Variants in PCDHA7 observed in about 807,000 individuals in gnomAD.
PCDHA7 encodes the protein protocadherin alpha 7, also known as protocadherin alpha-7.
A neutral mutation model predicts 57.2 loss-of-function variants in PCDHA7; 37 were observed. The observed-to-expected ratio is 0.65, with a 90% CI of 0.50 to 0.85. PCDHA7 has a LOEUF of 0.85. Ranked by LOEUF, PCDHA7 falls within the 40% of genes least tolerant of loss-of-function variation. The pLI is 0.00. For missense variants in PCDHA7, 1,188 were observed against 1,241.8 expected (o/e 0.96, Z 0.65); for synonymous variants, 553 against 558.8 (o/e 0.99, Z 0.15).
intron 1 of PCDHA7, among the ~76,000 whole-genome samples, chr5:140,880,576 A>G (rs1274181037): frequency 6.6e-6 from 1 of 152,216 alleles, no homozygotes; most frequent in African/African-American, 2.4e-5. Flanking sequence ...ATTTGAGAAG[A>G]GAGGAAAGAG....
chr5:140,923,012 G>A (rs2081117924), intron 1 of PCDHA7, among the ~76,000 whole-genome samples: 1 of 152,206 alleles, frequency 6.6e-6, no homozygotes, highest in Non-Finnish European at 1.5e-5. Flanking sequence ...TTGTTGGACT[G>A]CAGTTTCGGA....
intron 3 of PCDHA7, among the ~76,000 whole-genome samples, chr5:140,990,780 GACGATGA>G (rs1554251732): frequency 6.6e-6 from 1 of 152,192 alleles, no homozygotes; most frequent in Non-Finnish European, 1.5e-5. Flanking sequence ...CTCTGTGTTG[GACGATGA>G]ACCATGGAAT....
chr5:140,979,175 AAT>A, intron 2 of PCDHA7, 168 bp downstream of exon 2: 3 of 951,630 alleles, frequency 3.2e-6, no homozygotes, highest in Non-Finnish European at 3.8e-6. Flanking sequence ...AAAGATCGCA[AAT>A]GGTCAGTGCC....
intron 1 of PCDHA7, among the ~76,000 whole-genome samples, chr5:140,910,535 T>G (rs2153515129): frequency 6.6e-6 from 1 of 152,274 alleles, no homozygotes; most frequent in African/African-American, 2.4e-5. Flanking sequence ...CCCTCACAAA[T>G]CTATTTTGCA....
At chr5:140,872,181 G>T (rs2053527538) in intron 1 of PCDHA7, among the ~76,000 whole-genome samples, 1 of 151,138 alleles carries the variant, frequency 6.6e-6, no homozygotes, top group Admixed American at 6.6e-5. Flanking sequence ...TTTTTTTACA[G>T]TGTTAAACGT....
chr5:140,927,862 G>T, intron 1 of PCDHA7: 1 of 1,614,200 alleles, frequency 6.2e-7, no homozygotes. Context: ...AGCTAGCACC[G>T]CTAAACTGCT....
At position 140,835,534 on chromosome 5, in the gene PCDHA7, AG is replaced by A; in HGVS notation, c.1153del (p.Val385LeufsTer5). The A allele has an allele frequency of 6.2e-7, 1 of 1,613,954 alleles. No individual in the cohort carries two copies. Among genetic ancestry groups the A allele is most frequent in the Non-Finnish European group, 8.5e-7 (1 of 1,179,870 alleles). ...VFDRDFGVNG[Q>X]VTCSLTPRVP... ...GACCGAGATTTTGGAGTCAACGGAC[AG>A]GTTACCTGCTCCCTGACGCCCCGCG... is the stretch of plus-strand genomic sequence containing the variant. On this transcript the variant is annotated frameshift_variant, in exon 1 of 4. Transcript: ENST00000525929. LOFTEE classifies it high-confidence loss of function.
rs149166530 is a variant in PCDHA7, at chr5:140,990,443, A to G, written c.2503+7880A>G. Among the ~76,000 whole-genome samples the G allele has an allele frequency of 8.3e-4, 127 of 152,344 alleles. 2 individuals carry two copies. The East Asian group carries it at 0.024, about 29-fold the overall frequency. On this transcript the variant is annotated intron_variant, in intron 3 of 3. Transcript: ENST00000525929. ...CCAGCATTGACCCAATCTTGTGTCC[A>G]GAGCTGTTGCTGTAGGTGGTATCAT...
intron 1 of PCDHA7, among the ~76,000 whole-genome samples, chr5:140,924,973 GCTCATGT>G (rs1447379119): frequency 2.0e-5 from 3 of 151,826 alleles, no homozygotes; most frequent in African/African-American, 7.2e-5. Flanking sequence ...GAGTGCAGTG[GCTCATGT>G]CTGTAATCCT....
At chr5:140,915,362 A>C (rs2077085780) in intron 1 of PCDHA7, among the ~76,000 whole-genome samples, 2 of 152,274 alleles carry the variant, frequency 1.3e-5, no homozygotes, top group East Asian at 3.9e-4. Flanking sequence ...TATTCTTACC[A>C]GTAAGTGTCT....
At chr5:140,996,173 A>G (rs2097715399) in intron 3 of PCDHA7, among the ~76,000 whole-genome samples, 1 of 152,236 alleles carries the variant, frequency 6.6e-6, no homozygotes, top group Non-Finnish European at 1.5e-5. Flanking sequence ...ATGTGCTGAC[A>G]GCACCTCCAT....
intron 3 of PCDHA7, among the ~76,000 whole-genome samples, chr5:141,005,731 A>AC (rs2098235322): frequency 6.7e-6 from 1 of 149,106 alleles, no homozygotes; most frequent in Non-Finnish European, 1.5e-5. Flanking sequence ...AAAAAAAAAA[A>AC]GAATGGATGA....
intron 1 of PCDHA7, among the ~76,000 whole-genome samples, chr5:140,944,240 T>C (rs374307364): frequency 2.1e-4 from 32 of 152,316 alleles, no homozygotes; most frequent in African/African-American, 7.5e-4. Flanking sequence ...CAGGCTGGAG[T>C]GCAGTGATGT....
At chr5:140,869,126 G>A in intron 1 of PCDHA7, 4 of 1,611,734 alleles carry the variant, frequency 2.5e-6, no homozygotes, top group Non-Finnish European at 3.4e-6. Context: ...CAGAGAAGGG[G>A]ATTGGGCACC....
intron 1 of PCDHA7, among the ~76,000 whole-genome samples, chr5:140,925,094 G>A (rs1489905457): frequency 6.6e-6 from 1 of 151,188 alleles, no homozygotes; most frequent in Non-Finnish European, 1.5e-5. Flanking sequence ...AGGAAGGAAG[G>A]AAGGAAGGAA....
At position 141,009,997 on chromosome 5, in the gene PCDHA7, A is replaced by C; in HGVS notation, c.*60A>C. 1 of 1,576,442 alleles carries C rather than the reference A, an allele frequency of 6.3e-7. No individual in the cohort carries two copies. The highest frequency in any genetic ancestry group is 2.2e-5 in the East Asian group (1 of 44,650). On this transcript the variant is annotated 3_prime_UTR_variant, in exon 4 of 4. Transcript: ENST00000525929. ...TTTGTAATAATGGCAAATCTCTCCC[A>C]TGTAGCAATTCCCTGCTCCTTTTTC...
rs782673373 is a variant in PCDHA7 at position 140,858,110 on chromosome 5, G to A, written c.2355+21372G>A. On this transcript the variant is annotated intron_variant, in intron 1 of 3. Transcript: ENST00000525929. ...GCGGGCTTCAGTGGGCGTGGCGCCC[G>A]AGGTGGCCCTGGTGGATGTCAACGT... 5.6e-6 allele frequency: 9 copies of A among 1,597,760 alleles called. 1 individual carries two copies. The highest frequency in any genetic ancestry group is 3.4e-5 in the Admixed American group (2 of 59,350).
In PCDHA7 at chr5:140,858,199, T is replaced by C. The variant is rs142593526; in HGVS notation, c.2355+21461T>C. The C allele has an allele frequency of 1.4e-4, 227 of 1,596,922 alleles. 11 individuals carry two copies. The African/African-American group carries it at 2.3e-3, about 16-fold the overall frequency. On this transcript the variant is annotated intron_variant, in intron 1 of 3. Coordinates refer to ENST00000525929, the MANE Select transcript of PCDHA7 (RefSeq NM_018910.3). ...TGGTGCTCACGCTGCTGCTGTACAC[T>C]GCACTGAGGTGCTCGGCGGCGCCCA...
At position 140,853,802 on chromosome 5, in the gene PCDHA7, G is replaced by T. The variant is rs10054866; in HGVS notation, c.2355+17064G>T. The T allele has an allele frequency of 3.5e-3, 3,416 of 986,938 alleles. 247 individuals are homozygous for T. The African/African-American group carries it at 0.056, about 16-fold the overall frequency. 61.1% of individuals were successfully genotyped at this position (986,938 alleles called of 1,614,324 possible). Reference sequence around the variant, plus strand: ...AGTAAGAGCAAATTTTCATTTTAAAGCACACCTGAGATGATTCTCATACAA... The same window carrying T: ...AGTAAGAGCAAATTTTCATTTTAAATCACACCTGAGATGATTCTCATACAA... On this transcript the variant is annotated intron_variant, in intron 1 of 3. Coordinates refer to ENST00000525929, the MANE Select transcript of PCDHA7 (RefSeq NM_018910.3).
Sources: allele counts gnomAD v4.1 joint callset (sites outside exome capture counted in the v4.1 genomes callset), GRCh38; gene constraint gnomAD v4.1.1; transcripts MANE v1.5; gene names NCBI Gene and HGNC (gene_info 2026-07-23, HGNC 2026-07-21).